The following ASIC2 variants were observed in gnomAD, a reference collection of about 807,000 sequenced individuals.
ASIC2 encodes the protein acid-sensing ion channel 2.
A neutral mutation model predicts 57.3 loss-of-function variants in ASIC2; 25 were observed. The ratio of observed to expected loss-of-function variants is 0.44; its 90% CI spans 0.32 to 0.61. The LOEUF (loss-of-function observed/expected upper bound fraction) is 0.61, where lower values mean the gene tolerates loss of function less well. Among genes scored for constraint, ASIC2 ranks in the 20% least tolerant of loss-of-function variants. The probability of loss-of-function intolerance (pLI) is 0.06; values close to 1 mark genes in which losing one functional copy is unlikely to be tolerated. For synonymous variants in ASIC2, 319 were observed against 307.5 expected (o/e 1.04, Z -0.39); for missense variants, 641 against 738.1 (o/e 0.87, Z 1.52).
intron 1 of ASIC2, among the ~76,000 whole-genome samples, chr17:33,136,707 C>G (rs750546925): frequency 2.3e-4 from 35 of 152,196 alleles, no homozygotes; most frequent in Non-Finnish European, 3.8e-4. Context: ...TCTCCACTTT[C>G]CTTTCATTTC....
intron 1 of ASIC2, chr17:34,039,722 C>G (rs117989496): frequency 0.012 from 19,367 of 1,612,478 alleles, 144 homozygotes; most frequent in Non-Finnish European, 0.014. Context: ...TTGGGAGTCT[C>G]TACTTCTTTA....
chr17:34,045,935 C>A (rs1298920189), intron 1 of ASIC2, among the ~76,000 whole-genome samples: 2 of 152,170 alleles, frequency 1.3e-5, no homozygotes, highest in Non-Finnish European at 2.9e-5. Flanking sequence ...TATCACCATG[C>A]CAGTTTAGAG....
At chr17:33,606,477 G>A (rs985119123) in intron 1 of ASIC2, among the ~76,000 whole-genome samples, 2 of 152,170 alleles carry the variant, frequency 1.3e-5, no homozygotes, top group African/African-American at 2.4e-5. Context: ...AGCAGTTCAT[G>A]CAAAACTCCT....
intron 1 of ASIC2, among the ~76,000 whole-genome samples, chr17:33,785,230 A>G (rs1047007872): frequency 6.6e-6 from 1 of 152,188 alleles, no homozygotes; most frequent in African/African-American, 2.4e-5. Context: ...GAAGATGGCC[A>G]TCTACAAGCC....
intron 1 of ASIC2, among the ~76,000 whole-genome samples, chr17:33,880,161 C>A (rs1253062100): frequency 2.0e-5 from 3 of 152,112 alleles, no homozygotes; most frequent in African/African-American, 7.2e-5. Context: ...CAGGAAAGAT[C>A]AAAAATTGAC....
At chr17:34,116,754 C>T (rs938473266) in intron 1 of ASIC2, among the ~76,000 whole-genome samples, 2 of 152,160 alleles carry the variant, frequency 1.3e-5, no homozygotes, top group African/African-American at 4.8e-5. Context: ...TTTCCCATGG[C>T]ATGATTCTGT....
chr17:34,064,381 T>C (rs1370868795), intron 1 of ASIC2, among the ~76,000 whole-genome samples: 1 of 152,132 alleles, frequency 6.6e-6, no homozygotes, highest in Non-Finnish European at 1.5e-5. Flanking sequence ...TCAACTCAAG[T>C]TGGATTAAGG....
intron 1 of ASIC2, among the ~76,000 whole-genome samples, chr17:33,785,849 G>A (rs1873474): frequency 1.3e-5 from 2 of 152,116 alleles, no homozygotes; most frequent in Non-Finnish European, 2.9e-5. Context: ...CAAGACCAGG[G>A]GAGGCAGAAG....
intron 1 of ASIC2, among the ~76,000 whole-genome samples, chr17:34,114,667 T>C (rs1041356750): frequency 2.0e-5 from 3 of 152,176 alleles, no homozygotes; most frequent in African/African-American, 7.2e-5. Flanking sequence ...GAATAATGTT[T>C]CTGTGTTGAA....
At chr17:34,072,637 A>C (rs1909462164) in intron 1 of ASIC2, among the ~76,000 whole-genome samples, 1 of 152,228 alleles carries the variant, frequency 6.6e-6, no homozygotes, top group Non-Finnish European at 1.5e-5. Context: ...ATTTCCTTCT[A>C]GTCTTTTTAA....
At chr17:34,155,044 T>G (rs1167443591) in intron 1 of ASIC2, among the ~76,000 whole-genome samples, 1 of 151,572 alleles carries the variant, frequency 6.6e-6, no homozygotes, top group South Asian at 2.1e-4. Context: ...GTAAGCCACA[T>G]CCCCCTCCGC....
chr17:33,474,735 A>G (rs1239596124), intron 1 of ASIC2, among the ~76,000 whole-genome samples: 1 of 152,192 alleles, frequency 6.6e-6, no homozygotes, highest in African/African-American at 2.4e-5. Context: ...TAGTCCACAA[A>G]GGCCAGCCTC....
rs376376370 is a variant in ASIC2, at chr17:33,449,632, T to TA, written c.556-337566dup. 3.9e-4 allele frequency among the ~76,000 whole-genome samples: 60 copies of TA among 152,270 alleles called. No individual in the cohort carries two copies. In the East Asian group the frequency reaches 0.011, roughly 28 times the overall value. ...GGTAACTGAAAACCACCCTTTAGTA[T>TA]AAAAAAATCAGGATTGCTTATTCTA... is the stretch of plus-strand genomic sequence containing the variant. On this transcript the variant is annotated intron_variant, in intron 1 of 9. Transcript: ENST00000359872.
intron 1 of ASIC2, among the ~76,000 whole-genome samples, chr17:34,076,303 C>A (rs1379920413): frequency 3.3e-5 from 5 of 152,162 alleles, no homozygotes; most frequent in Admixed American, 3.3e-4. Flanking sequence ...CCACGCCTGG[C>A]CCTCTTTCAA....
intron 1 of ASIC2, among the ~76,000 whole-genome samples, chr17:33,243,626 T>G (rs1908588745): frequency 1.3e-5 from 2 of 152,142 alleles, no homozygotes; most frequent in Non-Finnish European, 2.9e-5. Flanking sequence ...TTGAGGGAAT[T>G]CAACATACAG....
chr17:33,866,516 G>A (rs1914242209), intron 1 of ASIC2, among the ~76,000 whole-genome samples: 1 of 152,106 alleles, frequency 6.6e-6, no homozygotes, highest in East Asian at 1.9e-4. Context: ...TATTCCTTAG[G>A]ATGAATTCCT....
intron 1 of ASIC2, among the ~76,000 whole-genome samples, chr17:33,494,320 G>A (rs1371111405): frequency 2.6e-5 from 4 of 152,154 alleles, no homozygotes; most frequent in African/African-American, 9.7e-5. Context: ...CTGTTAATAG[G>A]TGACTCCTCC....
chr17:33,131,143 G>A (rs2092344541), intron 1 of ASIC2, among the ~76,000 whole-genome samples: 1 of 152,178 alleles, frequency 6.6e-6, no homozygotes. Context: ...GCAAAGACAG[G>A]ATCCAATGGG....
intron 1 of ASIC2, among the ~76,000 whole-genome samples, chr17:33,145,343 C>T (rs1021908313): frequency 6.6e-6 from 1 of 152,218 alleles, no homozygotes; most frequent in Non-Finnish European, 1.5e-5. Context: ...TGCACCTCGT[C>T]CTCTGGGCTG....
Sources: gnomAD v4.1 joint callset for allele counts (sites outside exome capture counted in the v4.1 genomes callset) on GRCh38, gnomAD v4.1.1 for gene constraint, MANE v1.5 for transcripts, NCBI Gene and HGNC (gene_info 2026-07-23, HGNC 2026-07-21) for gene names.